Variants in WNK1 observed in about 807,000 individuals in gnomAD.
WNK1 encodes WNK lysine deficient protein kinase 1, also known as serine/threonine-protein kinase WNK1.
WNK1 carries 38 observed loss-of-function variants against 222.8 expected under a neutral mutation model. The observed-to-expected ratio is 0.17, with a 90% CI of 0.13 to 0.22. The LOEUF (loss-of-function observed/expected upper bound fraction) is 0.22. Ranked by LOEUF, WNK1 falls within the 10% of genes least tolerant of loss-of-function variation. WNK1 has a pLI of 1.00. For missense variants in WNK1, 2,348 were observed against 2,918.4 expected, an observed-to-expected ratio of 0.80 and a Z score of 4.50; for synonymous variants, 1,090 against 1,092.9, an observed-to-expected ratio of 1.00 and a Z score of 0.05.
chr12:834,328 A>G (rs1949023351), intron 4 of WNK1, among the ~76,000 whole-genome samples: 2 of 152,180 alleles, frequency 1.3e-5, no homozygotes, highest in Non-Finnish European at 2.9e-5. Context: ...TTAAGAGGCA[A>G]ACTTCTGACT....
chr12:876,445 G>A (rs1049813539), intron 9 of WNK1, among the ~76,000 whole-genome samples: 3 of 152,074 alleles, frequency 2.0e-5, no homozygotes, highest in Non-Finnish European at 4.4e-5. Flanking sequence ...TAATTAAATA[G>A]GAATAAACCA....
At chr12:861,371 G>C (rs1183127807) in intron 7 of WNK1, 28 bp downstream of exon 7, 1 of 1,608,364 alleles carries the variant, frequency 6.2e-7, no homozygotes, top group Non-Finnish European at 8.5e-7. Flanking sequence ...TGGACAGATA[G>C]GCTAATGATT....
At chr12:818,697 A>C (rs1399404811) in intron 2 of WNK1, among the ~76,000 whole-genome samples, 1 of 152,198 alleles carries the variant, frequency 6.6e-6, no homozygotes, top group Non-Finnish European at 1.5e-5. Context: ...TCTAATCAGG[A>C]TATGTCCTAT....
chr12:759,402 C>A (rs1591570101), intron 1 of WNK1, among the ~76,000 whole-genome samples: 1 of 147,274 alleles, frequency 6.8e-6, no homozygotes. Context: ...GCGATCTCGG[C>A]TCACTGCAAC....
At chr12:757,397 C>G (rs1293275415) in intron 1 of WNK1, among the ~76,000 whole-genome samples, 1 of 133,762 alleles carries the variant, frequency 7.5e-6, no homozygotes. Flanking sequence ...GCAATCTGAG[C>G]TCACTGCAAC....
intron 22 of WNK1, among the ~76,000 whole-genome samples, chr12:893,691 T>C (rs4619206): frequency 0.74 from 111,556 of 151,240 alleles, 41,304 homozygotes; most frequent in African/African-American, 0.81. Context: ...GGTGTGGTGG[T>C]GGGCGCCTGT....
chr12:848,536 G>A (rs575832194), intron 4 of WNK1, among the ~76,000 whole-genome samples: 1 of 116,156 alleles, frequency 8.6e-6, no homozygotes, highest in South Asian at 2.8e-4. Flanking sequence ...GAGATCTTTG[G>A]CTGTTGGAGA....
intron 1 of WNK1, among the ~76,000 whole-genome samples, chr12:776,406 GTGTGTT>G (rs1298025613): frequency 3.1e-5 from 3 of 96,562 alleles, no homozygotes; most frequent in Non-Finnish European, 6.0e-5. Flanking sequence ...GTGTGTGTTT[GTGTGTT>G]TGTGTGTGTG....
intron 1 of WNK1, among the ~76,000 whole-genome samples, chr12:779,418 T>C (rs1195928397): frequency 6.6e-6 from 1 of 151,518 alleles, no homozygotes; most frequent in Admixed American, 6.6e-5. Context: ...TTCTTTTTTT[T>C]TTTTGAGACA....
intron 26 of WNK1, among the ~76,000 whole-genome samples, chr12:903,753 A>G (rs1955466915): frequency 6.6e-6 from 1 of 152,152 alleles, no homozygotes; most frequent in East Asian, 1.9e-4. Context: ...CAAGAGACAT[A>G]CTTGAAATAT....
rs372134044 is a variant in WNK1 at position 753,353 on chromosome 12, G to T, written c.-213G>T. 2,139 of 621,878 alleles carry T rather than the reference G, an allele frequency of 3.4e-3. 44 individuals carry two copies. The highest frequency in any genetic ancestry group is 0.027 in the South Asian group (1,325 of 49,652). The allele number at this position is 621,878 out of a possible 1,614,324, so 38.5% of individuals were successfully genotyped here. A position where few individuals can be genotyped will look rare whatever the true frequency, so the allele number is the denominator to read the frequency against. ...CGCCTTCGAGCCCTCCTCGTGAGCC[G>T]CAGCAGCCTCGGTGCCAGCCCCCGC... On this transcript the variant is annotated 5_prime_UTR_variant, in exon 1 of 28. Coordinates refer to ENST00000315939, the MANE Select transcript of WNK1 (RefSeq NM_018979.4). This position sits in a 1 kb window ranked among gnomAD's most constrained non-coding sequence, Gnocchi z 5.2.
intron 26 of WNK1, chr12:906,834 G>C (rs889541252): frequency 1.3e-6 from 1 of 788,154 alleles, no homozygotes; most frequent in Non-Finnish European, 1.5e-6. Context: ...GAGCCCAGCA[G>C]TTCATGACTA....
intron 2 of WNK1, among the ~76,000 whole-genome samples, chr12:817,830 G>A (rs1407807370): frequency 4.1e-5 from 3 of 72,770 alleles, no homozygotes; most frequent in Non-Finnish European, 6.3e-5. Context: ...GCGGGCGCCT[G>A]TAATCCCAGC....
At chr12:900,451 C>G (rs1320517328) in intron 25 of WNK1, 25 bp from the exon 26 acceptor site, 1 of 1,613,826 alleles carries the variant, frequency 6.2e-7, no homozygotes, top group East Asian at 2.2e-5. Flanking sequence ...GACATGTTTC[C>G]TCATGCCACT....
At chr12:833,260 A>T (rs1222810948) in intron 4 of WNK1, among the ~76,000 whole-genome samples, 3 of 152,188 alleles carry the variant, frequency 2.0e-5, no homozygotes, top group Non-Finnish European at 4.4e-5. Context: ...TATATTCCAG[A>T]AGTAATTTAC....
In WNK1 at chr12:884,477, A is replaced by G. The variant is rs1296649938; in HGVS notation, c.3845-172A>G. On this transcript the variant is annotated intron_variant, in intron 18 of 27. Transcript: ENST00000315939. This position sits in a 1 kb window ranked among gnomAD's most constrained non-coding sequence, Gnocchi z 5.6. The stretch of plus-strand genomic sequence containing the variant: ...CCAAGATATAGTCTGTATAATAGAT[A>G]TTGTAGTATGTGTTTATTTCTGCAC... 6.6e-6 allele frequency among the ~76,000 whole-genome samples: 1 copy of G among 152,214 alleles called. No individual in the cohort carries two copies. Among genetic ancestry groups the G allele is most frequent in the Non-Finnish European group, 1.5e-5 (1 of 68,046 alleles).
chr12:881,654 A>G (rs757086475), intron 12 of WNK1, 38 bp from the exon 13 acceptor site: 9 of 1,505,024 alleles, frequency 6.0e-6, no homozygotes, highest in Middle Eastern at 1.7e-4. Context: ...TGATAAATCT[A>G]TTACTACCGA....
At chr12:907,320 CAAAA>C (rs58787108) in intron 26 of WNK1, among the ~76,000 whole-genome samples, 1 of 121,386 alleles carries the variant, frequency 8.2e-6, no homozygotes, top group Non-Finnish European at 1.8e-5. Flanking sequence ...GACTCCATCT[CAAAA>C]AAAAAAAAAA....
rs1040459926 is a variant in WNK1, at chr12:865,248, C to T, written c.2139+2978C>T. 18 of 1,535,988 alleles carry T rather than the reference C, an allele frequency of 1.2e-5. No homozygotes were observed. The highest frequency in any genetic ancestry group is 4.1e-5 in the African/African-American group (3 of 73,018). ...TTTCTCCTTCCCTCCTCCGGACTGCCCCGAGGAAACTTTTGCCGAAAAGCT... is the reference window on the plus strand; with the variant it reads ...TTTCTCCTTCCCTCCTCCGGACTGCTCCGAGGAAACTTTTGCCGAAAAGCT... On this transcript the variant is annotated intron_variant, in intron 8 of 27. Coordinates refer to ENST00000315939, the MANE Select transcript of WNK1 (RefSeq NM_018979.4).
Sources: allele counts gnomAD v4.1 joint callset (sites outside exome capture counted in the v4.1 genomes callset), GRCh38; gene constraint gnomAD v4.1.1; non-coding constraint Gnocchi (gnomAD v3.1); transcripts MANE v1.5; gene names NCBI Gene and HGNC (gene_info 2026-07-23, HGNC 2026-07-21).